The following CTNNA3 variants were observed in gnomAD, a reference collection of about 807,000 sequenced individuals.
CTNNA3 encodes the protein catenin alpha-3.
In CTNNA3, 76 loss-of-function variants were observed where a neutral mutation model predicts 95.7. The ratio of observed to expected loss-of-function variants is 0.79; its 90% CI spans 0.66 to 0.96. The LOEUF (loss-of-function observed/expected upper bound fraction) is 0.96. Among genes scored for constraint, CTNNA3 ranks in the 40% least tolerant of loss-of-function variants. The pLI is 0.00. For synonymous variants in CTNNA3, 431 were observed against 374.4 expected (o/e 1.15, Z -1.74); for missense variants, 1,191 against 1,089.8 (o/e 1.09, Z -1.31).
intron 7 of CTNNA3, among the ~76,000 whole-genome samples, chr10:66,786,810 T>C (rs1840764330): frequency 6.6e-6 from 1 of 152,136 alleles, no homozygotes; most frequent in African/African-American, 2.4e-5. Context: ...TTAAGAAATA[T>C]GTAGAATATT....
At chr10:66,261,928 C>T (rs1215879224) in intron 13 of CTNNA3, among the ~76,000 whole-genome samples, 1 of 151,958 alleles carries the variant, frequency 6.6e-6, no homozygotes, top group African/African-American at 2.4e-5. Flanking sequence ...CCTTAAAAAC[C>T]CAGCCCCAAA....
chr10:66,542,186 G>A (rs185647111), intron 10 of CTNNA3, among the ~76,000 whole-genome samples: 41 of 152,254 alleles, frequency 2.7e-4, no homozygotes, highest in Non-Finnish European at 5.3e-4. Context: ...AAACCACAAT[G>A]AGATACCATC....
intron 1 of CTNNA3, among the ~76,000 whole-genome samples, chr10:67,726,451 T>TA (rs1841222237): frequency 3.3e-5 from 2 of 59,856 alleles, no homozygotes; most frequent in Non-Finnish European, 5.6e-5. Context: ...TATATAATAT[T>TA]ATATATGATA....
chr10:66,765,877 T>A lies in CTNNA3; in HGVS notation c.1281+387A>T, dbSNP rs769257530. Among the ~76,000 whole-genome samples the A allele has an allele frequency of 1.8e-4, 28 of 152,206 alleles. 1 individual carries two copies. Among genetic ancestry groups the A allele is most frequent in the Non-Finnish European group, 3.7e-4 (25 of 68,026 alleles). On this transcript the variant is annotated intron_variant, in intron 9 of 17. Transcript: ENST00000433211. ...CTATATTCTTGTTCTGTAGTCATGCTACATAGTTAAATATGACTTGAAAGG... is the reference window on the plus strand; with the variant it reads ...CTATATTCTTGTTCTGTAGTCATGCAACATAGTTAAATATGACTTGAAAGG...
At chr10:67,224,486 T>G (rs1674806214) in intron 5 of CTNNA3, among the ~76,000 whole-genome samples, 1 of 152,166 alleles carries the variant, frequency 6.6e-6, no homozygotes, top group Non-Finnish European at 1.5e-5. Context: ...CACAGACCCT[T>G]TGAAGGAAGC....
intron 12 of CTNNA3, 56 bp from the exon 13 acceptor site, chr10:66,280,677 C>A: frequency 7.6e-7 from 1 of 1,317,532 alleles, no homozygotes; most frequent in African/African-American, 1.5e-5. Context: ...TGGATTTATA[C>A]AGTAGTTTCC....
At chr10:67,686,944 T>A (rs1460505609) in intron 1 of CTNNA3, among the ~76,000 whole-genome samples, 7 of 152,126 alleles carry the variant, frequency 4.6e-5, no homozygotes, top group African/African-American at 1.7e-4. Flanking sequence ...TATTCATAGA[T>A]AATAGCTCCA....
intron 10 of CTNNA3, among the ~76,000 whole-genome samples, chr10:66,530,394 T>C (rs927396147): frequency 6.6e-6 from 1 of 152,160 alleles, no homozygotes; most frequent in Non-Finnish European, 1.5e-5. Flanking sequence ...TCTAACTCTG[T>C]TCATCCTTTT....
chr10:67,139,989 C>CTA (rs1409115763), intron 7 of CTNNA3, among the ~76,000 whole-genome samples: 1 of 152,138 alleles, frequency 6.6e-6, no homozygotes. Context: ...TTTGATCTGT[C>CTA]TATAGAGTGC....
chr10:67,598,137 G>A (rs1313922869), intron 3 of CTNNA3, among the ~76,000 whole-genome samples: 1 of 152,042 alleles, frequency 6.6e-6, no homozygotes, highest in Non-Finnish European at 1.5e-5. Flanking sequence ...CCACCTAGAG[G>A]AGTATGGCAA....
chr10:67,043,649 A>G (rs1255865289), intron 7 of CTNNA3, among the ~76,000 whole-genome samples: 1 of 152,100 alleles, frequency 6.6e-6, no homozygotes, highest in Non-Finnish European at 1.5e-5. Context: ...AACAGTTAAC[A>G]CCAATTCTTG....
chr10:66,282,338 C>T (rs1013059888), intron 12 of CTNNA3, among the ~76,000 whole-genome samples: 2 of 151,802 alleles, frequency 1.3e-5, no homozygotes, highest in Non-Finnish European at 2.9e-5. Flanking sequence ...GTATATCCAA[C>T]TGACAATGGC....
At chr10:66,140,405 T>C (rs1326781009) in intron 13 of CTNNA3, among the ~76,000 whole-genome samples, 1 of 152,146 alleles carries the variant, frequency 6.6e-6, no homozygotes, top group Non-Finnish European at 1.5e-5. Context: ...TTCAAGAGTA[T>C]AAACAATCCA....
At chr10:66,576,531 T>C (rs1843008981) in intron 10 of CTNNA3, among the ~76,000 whole-genome samples, 1 of 152,010 alleles carries the variant, frequency 6.6e-6, no homozygotes, top group East Asian at 1.9e-4. Context: ...TATCTTTGTG[T>C]CCATTTATAT....
intron 17 of CTNNA3, among the ~76,000 whole-genome samples, chr10:65,954,205 T>C (rs567582670): frequency 3.3e-5 from 5 of 152,244 alleles, no homozygotes; most frequent in African/African-American, 7.2e-5. Flanking sequence ...TGTCTGTTCA[T>C]ATCCTTCGCC....
chr10:67,655,256 A>G (rs773480579), intron 1 of CTNNA3, among the ~76,000 whole-genome samples: 2 of 152,230 alleles, frequency 1.3e-5, no homozygotes, highest in Non-Finnish European at 2.9e-5. Flanking sequence ...CACCAAAAGT[A>G]TCTTTGGGCT....
intron 2 of CTNNA3, among the ~76,000 whole-genome samples, chr10:67,622,782 C>T (rs559844926): frequency 6.6e-6 from 1 of 152,290 alleles, no homozygotes; most frequent in Admixed American, 6.5e-5. Context: ...TAAAATCATG[C>T]AGAAATTGGA....
At chr10:67,589,661 A>C (rs1842735425) in intron 3 of CTNNA3, among the ~76,000 whole-genome samples, 1 of 152,150 alleles carries the variant, frequency 6.6e-6, no homozygotes, top group South Asian at 2.1e-4. Flanking sequence ...GCATTAATGA[A>C]AAAACAAGAG....
intron 13 of CTNNA3, among the ~76,000 whole-genome samples, chr10:66,259,179 C>T (rs2090903376): frequency 6.6e-6 from 1 of 152,164 alleles, no homozygotes; most frequent in African/African-American, 2.4e-5. Context: ...ACAGCAACTT[C>T]CATTTACATG....
Sources: gnomAD v4.1 joint callset for allele counts (sites outside exome capture counted in the v4.1 genomes callset) on GRCh38, gnomAD v4.1.1 for gene constraint, MANE v1.5 for transcripts, NCBI Gene and HGNC (gene_info 2026-07-23, HGNC 2026-07-21) for gene names.